The following MMEL1 variants were observed in gnomAD, a reference collection of about 807,000 sequenced individuals.
MMEL1 encodes membrane metallo-endopeptidase-like 1.
MMEL1 carries 98 observed loss-of-function variants against 117.1 expected under a neutral mutation model. That is an observed-to-expected ratio of 0.84 (90% CI 0.71 to 0.99). The LOEUF is 0.99. MMEL1 is among the 50% of genes least tolerant of loss of function. MMEL1 has a pLI of 0.00. For missense variants in MMEL1, 1,014 were observed against 1,049.1 expected, an observed-to-expected ratio of 0.97 and a Z score of 0.46; for synonymous variants, 390 against 415.1, an observed-to-expected ratio of 0.94 and a Z score of 0.74.
chr1:2,590,830 G>A lies in MMEL1; in HGVS notation c.*160C>T. On this transcript the variant is annotated 3_prime_UTR_variant, in exon 24 of 24. Coordinates refer to ENST00000378412, the MANE Select transcript of MMEL1 (RefSeq NM_033467.4). Reference sequence around the variant, plus strand: ...GACACTGCTCATCCCTGGGTGTCAGGCAGGTGGCTGCACCCTAGGCCAGGC... The same window carrying A: ...GACACTGCTCATCCCTGGGTGTCAGACAGGTGGCTGCACCCTAGGCCAGGC... 2.1e-6 allele frequency: 1 copy of A among 486,322 alleles called. No individual in the cohort carries two copies. The highest frequency in any genetic ancestry group is 3.5e-6 in the Non-Finnish European group (1 of 285,736). 30.1% of individuals were successfully genotyped at this position (486,322 alleles called of 1,614,324 possible). A position where few individuals can be genotyped will look rare whatever the true frequency, so the allele number is the denominator to read the frequency against.
At chr1:2,599,003 A>G (rs1644890930) in intron 11 of MMEL1, among the ~76,000 whole-genome samples, 1 of 152,250 alleles carries the variant, frequency 6.6e-6, no homozygotes, top group South Asian at 2.1e-4. Context: ...AAGCCTAAGT[A>G]TAACAGGCAA....
intron 2 of MMEL1, among the ~76,000 whole-genome samples, chr1:2,613,678 G>T (rs1200634203): frequency 6.6e-6 from 1 of 151,980 alleles, no homozygotes; most frequent in Non-Finnish European, 1.5e-5. Flanking sequence ...AAAGCATGAG[G>T]AGGGGCACAT....
intron 2 of MMEL1, among the ~76,000 whole-genome samples, chr1:2,621,540 T>C (rs954546789): frequency 6.6e-6 from 1 of 151,914 alleles, no homozygotes; most frequent in Non-Finnish European, 1.5e-5. Context: ...CTACTTGGAG[T>C]TGTCCCACCT....
intron 2 of MMEL1, among the ~76,000 whole-genome samples, chr1:2,616,587 C>G (rs916846742): frequency 6.6e-6 from 1 of 152,136 alleles, no homozygotes; most frequent in Admixed American, 6.6e-5. Flanking sequence ...TGTGTCTCTA[C>G]CAGATGTGCC....
intron 9 of MMEL1, among the ~76,000 whole-genome samples, 173 bp from the exon 10 acceptor site, chr1:2,604,454 C>T (rs568185021): frequency 1.2e-4 from 18 of 152,300 alleles, no homozygotes; most frequent in African/African-American, 3.8e-4. Flanking sequence ...GCGTCTCAGA[C>T]GCGTGACCTG....
In MMEL1 at chr1:2,592,829, T is replaced by C. The variant is rs1488805517; in HGVS notation, c.2001+4A>G. 1.2e-6 allele frequency: 2 copies of C among 1,613,334 alleles called. No individual in the cohort carries two copies. The highest frequency in any genetic ancestry group is 1.7e-6 in the Non-Finnish European group (2 of 1,179,838). On this transcript the variant is annotated splice_donor_region_variant and intron_variant, in intron 20 of 23. Coordinates refer to ENST00000378412, the MANE Select transcript of MMEL1 (RefSeq NM_033467.4). ...GCAGCCTGGGTGCTGGTGGCAGCGC[T>C]CACGTTCTGTTCGTCTGCCAGGTCC...
chr1:2,604,778 C>T (rs1570673540), intron 9 of MMEL1, among the ~76,000 whole-genome samples: 1 of 152,158 alleles, frequency 6.6e-6, no homozygotes, highest in South Asian at 2.1e-4. Context: ...GCAGGGCTTC[C>T]CCAGTGCAGG....
intron 1 of MMEL1, 171 bp downstream of exon 1, chr1:2,632,695 A>G (rs981861398): frequency 4.7e-6 from 1 of 213,534 alleles, no homozygotes; most frequent in Non-Finnish European, 8.1e-6. Context: ...ACCGTATGCC[A>G]GAGGGGGCTG....
At chr1:2,593,062 G>C in intron 19 of MMEL1, 96 bp from the exon 20 acceptor site, 2 of 1,488,438 alleles carry the variant, frequency 1.3e-6, no homozygotes, top group Admixed American at 3.6e-5. Context: ...TGCCCCTCCT[G>C]CAGCCAGCCC....
chr1:2,629,242 T>G (rs1460153348), intron 2 of MMEL1, 89 bp downstream of exon 2: 1 of 1,376,902 alleles, frequency 7.3e-7, no homozygotes, highest in African/African-American at 1.5e-5. Context: ...GGGCTCGGGC[T>G]GGGGGCAGGC....
chr1:2,629,497 G>C lies in MMEL1; in HGVS notation c.-13C>G. ...CGGACTTCCCCATCAGCAGGGCTCT[G>C]GACGGGAGAGCACCGCGGAGGAACC... On this transcript the variant is annotated 5_prime_UTR_variant, in exon 2 of 24. Coordinates refer to ENST00000378412, the MANE Select transcript of MMEL1 (RefSeq NM_033467.4). 3 of 1,478,682 alleles carry C rather than the reference G, an allele frequency of 2.0e-6. No individual in the cohort carries two copies. The highest frequency in any genetic ancestry group is 2.7e-6 in the Non-Finnish European group (3 of 1,112,698). 91.6% of individuals were successfully genotyped at this position (1,478,682 alleles called of 1,614,324 possible).
chr1:2,599,506 G>A (rs1358414459), intron 11 of MMEL1, among the ~76,000 whole-genome samples: 1 of 152,312 alleles, frequency 6.6e-6, no homozygotes, highest in African/African-American at 2.4e-5. Flanking sequence ...TTCAACAGAT[G>A]CAGAAAAAGC....
chr1:2,608,316 G>A (rs765124653), intron 6 of MMEL1, among the ~76,000 whole-genome samples: 1 of 152,158 alleles, frequency 6.6e-6, no homozygotes, highest in African/African-American at 2.4e-5. Context: ...CACAGGTTGG[G>A]CCTGCAGACC....
Position 2,591,565 on chromosome 1 carries a change from C to G in MMEL1, c.2232G>C (p.Leu744=). 6.2e-7 allele frequency: 1 copy of G among 1,613,674 alleles called. No individual in the cohort carries two copies. Among genetic ancestry groups the G allele is most frequent in the Non-Finnish European group, 8.5e-7 (1 of 1,179,878 alleles). The change falls in exon 23 of 24, where the codon CTG becomes CTC. Residue 744 remains leucine (L), a synonymous_variant. Coordinates refer to ENST00000378412, the MANE Select transcript of MMEL1 (RefSeq NM_033467.4). The part of the protein sequence containing the change: ...QSIKTDVHSP[L]KYRVLGSLQN... ...GAGCATGGGAGACTTGCCTGTACTT[C>G]AGGGGACTGTGGACGTCTGTCTTGA...
At chr1:2,604,122 T>TGG in intron 10 of MMEL1, 25 bp downstream of exon 10, 469 of 1,357,010 alleles carry the variant, frequency 3.5e-4, no homozygotes, top group Non-Finnish European at 4.4e-4. Flanking sequence ...CGCTGCCCGC[T>TGG]CCCCACCCGC....
At chr1:2,607,296 G>A (rs1302736080) in intron 6 of MMEL1, among the ~76,000 whole-genome samples, 4 of 152,222 alleles carry the variant, frequency 2.6e-5, no homozygotes, top group Admixed American at 2.0e-4. Context: ...GACTGGACAC[G>A]GGCGTGAAAG....
intron 2 of MMEL1, among the ~76,000 whole-genome samples, chr1:2,621,632 C>T (rs945074214): frequency 4.0e-5 from 6 of 151,490 alleles, no homozygotes; most frequent in Non-Finnish European, 7.4e-5. Flanking sequence ...GGCACGATCT[C>T]GGCTCACTGC....
rs881640 is a variant in MMEL1 at position 2,590,765 on chromosome 1, G to A, written c.*225C>T. The A allele has an allele frequency of 5.0e-5, 20 of 403,988 alleles. 1 individual carries two copies. The East Asian group carries it at 6.8e-4, about 14-fold the overall frequency. The allele number at this position is 403,988 out of a possible 1,614,324, so 25.0% of individuals were successfully genotyped here. ...CTGTGACGGGGGCACTGAGCCCCGCGGGTGTCTGTGGAGGGGGCTCCGGTC... is the reference window on the plus strand; with the variant it reads ...CTGTGACGGGGGCACTGAGCCCCGCAGGTGTCTGTGGAGGGGGCTCCGGTC... On this transcript the variant is annotated 3_prime_UTR_variant, in exon 24 of 24. Transcript: ENST00000378412.
At chr1:2,611,560 C>T (rs1645129476) in intron 3 of MMEL1, among the ~76,000 whole-genome samples, 1 of 152,160 alleles carries the variant, frequency 6.6e-6, no homozygotes, top group African/African-American at 2.4e-5. Flanking sequence ...TGTGGCCCTC[C>T]ACCCCATCTT....
Sources: gnomAD v4.1 joint callset for allele counts (sites outside exome capture counted in the v4.1 genomes callset) on GRCh38, gnomAD v4.1.1 for gene constraint, MANE v1.5 for transcripts, NCBI Gene and HGNC (gene_info 2026-07-23, HGNC 2026-07-21) for gene names.